The following DLGAP2 variants were observed in gnomAD, a reference collection of about 807,000 sequenced individuals.
DLGAP2 encodes the protein disks large-associated protein 2.
Under a neutral mutation model 100.3 loss-of-function variants are expected in DLGAP2, and 26 were observed. That is an observed-to-expected ratio of 0.26 (90% confidence interval 0.19 to 0.36). The LOEUF is 0.36. DLGAP2 is among the 10% of genes least tolerant of loss of function. The probability of loss-of-function intolerance (pLI) is 1.00; values close to 1 mark genes in which losing one functional copy is unlikely to be tolerated. For missense variants in DLGAP2, 1,858 were observed against 1,453.2 expected, an observed-to-expected ratio of 1.28 and a Z score of -4.53; for synonymous variants, 886 against 630.1, an observed-to-expected ratio of 1.41 and a Z score of -6.08.
intron 2 of DLGAP2, among the ~76,000 whole-genome samples, chr8:1,122,887 T>G (rs1796082375): frequency 6.6e-6 from 1 of 152,166 alleles, no homozygotes; most frequent in Admixed American, 6.5e-5. Context: ...AGGCTCTAAA[T>G]GGAATCATAG....
intron 3 of DLGAP2, among the ~76,000 whole-genome samples, chr8:1,265,536 A>G (rs1244705580): frequency 1.3e-5 from 2 of 152,244 alleles, no homozygotes; most frequent in Non-Finnish European, 1.5e-5. Context: ...GAGAAGCAGC[A>G]TTAGTCAAAG....
At chr8:1,051,169 T>C (rs1802698878) in intron 2 of DLGAP2, among the ~76,000 whole-genome samples, 2 of 152,076 alleles carry the variant, frequency 1.3e-5, no homozygotes, top group South Asian at 4.2e-4. Context: ...AGCTTCTTCC[T>C]GGGCAACATT....
intron 4 of DLGAP2, among the ~76,000 whole-genome samples, chr8:1,537,300 T>C (rs1801186051): frequency 6.6e-6 from 1 of 152,154 alleles, no homozygotes; most frequent in African/African-American, 2.4e-5. Flanking sequence ...CATGTGCACA[T>C]AGTTGTGTGT....
intron 3 of DLGAP2, among the ~76,000 whole-genome samples, chr8:1,282,204 G>T (rs1418941288): frequency 8.3e-6 from 1 of 121,134 alleles, no homozygotes; most frequent in African/African-American, 2.6e-5. Flanking sequence ...TCCGGACATG[G>T]TGTGACCTGA....
rs149655217 is a variant in DLGAP2 at position 1,531,991 on chromosome 8, C to A, written c.173-16635C>A. Among the ~76,000 whole-genome samples, 7 of 152,314 alleles carry A rather than the reference C, an allele frequency of 4.6e-5. No homozygotes were observed. In the South Asian group the frequency reaches 1.5e-3, roughly 32 times the overall value. On this transcript the variant is annotated intron_variant, in intron 4 of 14. Transcript: ENST00000637795. ...TAGGGAGACATGAGACATTAATATA[C>A]GTAAGAAGTACACTGGTTCCGTCCA...
chr8:1,111,221 C>T (rs771427249), intron 2 of DLGAP2, among the ~76,000 whole-genome samples: 6 of 152,138 alleles, frequency 3.9e-5, no homozygotes, highest in Non-Finnish European at 5.9e-5. Context: ...GCTTAGTGTC[C>T]GACTTGCCTA....
chr8:1,585,894 C>A (rs1032806064), intron 6 of DLGAP2, among the ~76,000 whole-genome samples: 3 of 152,226 alleles, frequency 2.0e-5, no homozygotes, highest in South Asian at 4.1e-4. Flanking sequence ...CCAGGGGTTT[C>A]CACTGCCCAT....
chr8:1,602,067 C>T (rs1386571227), intron 6 of DLGAP2, among the ~76,000 whole-genome samples: 1 of 151,962 alleles, frequency 6.6e-6, no homozygotes. Flanking sequence ...CAGACTTGGG[C>T]CATGCAAGCT....
chr8:1,688,616 CTTCT>C (rs1325974915), intron 12 of DLGAP2, among the ~76,000 whole-genome samples: 9 of 152,174 alleles, frequency 5.9e-5, no homozygotes, highest in Admixed American at 2.6e-4. Flanking sequence ...GGGTTATACT[CTTCT>C]TTCCCATTTT....
chr8:768,418 A>ATTTTTTTTTTT (rs58234397), intron 1 of DLGAP2, among the ~76,000 whole-genome samples: 1 of 99,958 alleles, frequency 1.0e-5, no homozygotes, highest in Non-Finnish European at 1.9e-5. Context: ...GAAGGCGTTG[A>ATTTTTTTTTTT]TTTTTTTTTT....
intron 2 of DLGAP2, among the ~76,000 whole-genome samples, chr8:1,056,979 G>A (rs1802900460): frequency 6.6e-6 from 1 of 152,194 alleles, no homozygotes; most frequent in South Asian, 2.1e-4. Flanking sequence ...AAGAGACAGA[G>A]ACAGACCGTG....
At chr8:1,500,585 G>A (rs1035031710) in intron 3 of DLGAP2, among the ~76,000 whole-genome samples, 10 of 152,374 alleles carry the variant, frequency 6.6e-5, no homozygotes, top group South Asian at 4.1e-4. Flanking sequence ...GGAGAGCTAC[G>A]GGATGATGCT....
At chr8:819,467 C>G (rs1796545326) in intron 1 of DLGAP2, among the ~76,000 whole-genome samples, 1 of 152,144 alleles carries the variant, frequency 6.6e-6, no homozygotes, top group South Asian at 2.1e-4. Flanking sequence ...ACAGTCATTA[C>G]TATTATTCCA....
At chr8:1,462,035 T>C (rs376122383) in intron 3 of DLGAP2, among the ~76,000 whole-genome samples, 5 of 42,362 alleles carry the variant, frequency 1.2e-4, no homozygotes, top group Non-Finnish European at 1.2e-4. Flanking sequence ...GTCGCTGATT[T>C]GGTGGCCAGG....
intron 13 of DLGAP2, among the ~76,000 whole-genome samples, chr8:1,692,970 C>T (rs1388306256): frequency 6.8e-6 from 1 of 147,992 alleles, no homozygotes; most frequent in African/African-American, 2.5e-5. Context: ...CTCATATATA[C>T]ATCTCATATA....
intron 3 of DLGAP2, among the ~76,000 whole-genome samples, chr8:1,383,431 T>C (rs1045095263): frequency 1.3e-5 from 2 of 152,214 alleles, no homozygotes; most frequent in African/African-American, 2.4e-5. Flanking sequence ...TTCTGTCAAA[T>C]GGTACGGTAT....
At chr8:983,260 A>T (rs1246356038) in intron 2 of DLGAP2, among the ~76,000 whole-genome samples, 2 of 151,918 alleles carry the variant, frequency 1.3e-5, no homozygotes. Context: ...CTTAGAATCC[A>T]CGTGTTGGTG....
intron 2 of DLGAP2, among the ~76,000 whole-genome samples, chr8:1,243,391 AC>A (rs1161700570): frequency 6.6e-6 from 1 of 152,118 alleles, no homozygotes; most frequent in Non-Finnish European, 1.5e-5. Context: ...CTGGTGAGCG[AC>A]GGTCATTCCT....
rs1176682015 is a variant in DLGAP2, at chr8:1,706,651, C to T, written c.*5245C>T. 1.3e-5 allele frequency: 2 copies of T among 152,116 alleles called. No homozygotes were observed. Among genetic ancestry groups the T allele is most frequent in the African/African-American group, 4.8e-5 (2 of 41,410 alleles). The allele number at this position is 152,116 out of a possible 1,614,324, so 9.4% of individuals were successfully genotyped here. A position where few individuals can be genotyped will look rare whatever the true frequency, so the allele number is the denominator to read the frequency against. ...CCCAGCACCAACCAGAATTAGGCCACGTTTTCACCATTACTTAAGCTCAAT... is the reference window on the plus strand; with the variant it reads ...CCCAGCACCAACCAGAATTAGGCCATGTTTTCACCATTACTTAAGCTCAAT... On this transcript the variant is annotated 3_prime_UTR_variant, in exon 15 of 15. Coordinates refer to ENST00000637795, the MANE Select transcript of DLGAP2 (RefSeq NM_001346810.2).
Sources: gnomAD v4.1 joint callset for allele counts (sites outside exome capture counted in the v4.1 genomes callset) on GRCh38, gnomAD v4.1.1 for gene constraint, MANE v1.5 for transcripts, NCBI Gene and HGNC (gene_info 2026-07-23, HGNC 2026-07-21) for gene names.